ACOT12: variants seen among roughly 807,000 people sequenced by gnomAD.
The protein encoded by ACOT12 is acyl-CoA thioesterase 12, also known as acetyl-coenzyme A thioesterase.
In ACOT12, 51 loss-of-function variants were observed where a neutral mutation model predicts 67.7. The ratio of observed to expected loss-of-function variants is 0.75; its 90% CI spans 0.60 to 0.95. The LOEUF (loss-of-function observed/expected upper bound fraction) is 0.95. Ranked by LOEUF, ACOT12 falls within the 40% of genes least tolerant of loss-of-function variation. The pLI is 0.00. For missense variants in ACOT12, 734 were observed against 708.1 expected (o/e 1.04, Z -0.41); for synonymous variants, 251 against 244.6 (o/e 1.03, Z -0.24).
intron 5 of ACOT12, among the ~76,000 whole-genome samples, chr5:81,353,009 A>C (rs1759600854): frequency 6.6e-6 from 1 of 152,178 alleles, no homozygotes; most frequent in Admixed American, 6.5e-5. Flanking sequence ...CTCTTTAAAA[A>C]TAGTTTTTAG....
chr5:81,328,222 C>T (rs962553188), downstream of ACOT12, among the ~76,000 whole-genome samples: 2 of 152,108 alleles, frequency 1.3e-5, no homozygotes, highest in Non-Finnish European at 2.9e-5. Context: ...CTACACTGAC[C>T]ACCCTACTTA....
chr5:81,344,053 C>T (rs1759292023), intron 9 of ACOT12, 107 bp downstream of exon 9: 14 of 1,336,264 alleles, frequency 1.0e-5, no homozygotes, highest in Admixed American at 2.1e-5. Flanking sequence ...AAACATCAGA[C>T]CTTCTCTTTT....
intron 6 of ACOT12, among the ~76,000 whole-genome samples, chr5:81,347,457 TGC>T (rs1336842049): frequency 6.6e-6 from 1 of 152,230 alleles, no homozygotes; most frequent in Non-Finnish European, 1.5e-5. Context: ...ATTTCTGTTC[TGC>T]ATTTACTTTG....
chr5:81,376,257 T>C (rs1449044411), intron 2 of ACOT12, among the ~76,000 whole-genome samples: 31 of 151,816 alleles, frequency 2.0e-4, no homozygotes, highest in Admixed American at 2.0e-3. Flanking sequence ...AATAATGAAA[T>C]GAAGGCAGAA....
chr5:81,343,316 TCAGA>T (rs766404672), intron 10 of ACOT12, among the ~76,000 whole-genome samples: 1 of 152,180 alleles, frequency 6.6e-6, no homozygotes, highest in Non-Finnish European at 1.5e-5. Context: ...AATTCAGAAT[TCAGA>T]CAAAGTAACT....
At chr5:81,350,985 G>A (rs1324414796) in intron 5 of ACOT12, among the ~76,000 whole-genome samples, 1 of 152,160 alleles carries the variant, frequency 6.6e-6, no homozygotes, top group Non-Finnish European at 1.5e-5. Flanking sequence ...ATGCTTCCTT[G>A]CACTGCGGCA....
chr5:81,312,953 A>G, the ACOT12 span: 5 of 177,508 alleles, frequency 2.8e-5, no homozygotes, highest in South Asian at 5.6e-4. Flanking sequence ...GATTGTAACA[A>G]TCATCTTTTA....
At chr5:81,387,979 G>T (rs893124150) in intron 1 of ACOT12, among the ~76,000 whole-genome samples, 1 of 152,172 alleles carries the variant, frequency 6.6e-6, no homozygotes, top group African/African-American at 2.4e-5. Context: ...GGATCAAAAA[G>T]TAATAAAATC....
intron 14 of ACOT12, 52 bp downstream of exon 14, chr5:81,330,762 T>C: frequency 6.3e-7 from 1 of 1,592,294 alleles, no homozygotes; most frequent in Non-Finnish European, 8.5e-7. Flanking sequence ...ATTAAGAGAT[T>C]TTTCGCTATC....
the ACOT12 span, chr5:81,308,691 C>T: frequency 6.2e-7 from 1 of 1,610,696 alleles, no homozygotes; most frequent in South Asian, 1.1e-5. Context: ...AAGTGTAAGG[C>T]TAAAGTAGAC....
downstream of ACOT12, among the ~76,000 whole-genome samples, chr5:81,327,498 T>A (rs1300076943): frequency 6.6e-6 from 1 of 152,228 alleles, no homozygotes; most frequent in Non-Finnish European, 1.5e-5. Context: ...TGGAGTGCAG[T>A]GGCACGATCT....
chr5:81,360,026 G>T lies in ACOT12; in HGVS notation c.373C>A (p.Pro125Thr), dbSNP rs1759855521. Reference sequence around the variant, plus strand: ...TCTTGTTCAGTTAGAAGTGTGACTGGTTTTAAATGAATCTAGAGAAAGAAA... The same window carrying T: ...TCTTGTTCAGTTAGAAGTGTGACTGTTTTTAAATGAATCTAGAGAAAGAAA... The part of the protein sequence containing the change: ...PVGKEKIHLK[P>T]VTLLTEQDHV... Residue 125 changes from proline (P) to threonine (T), a missense_variant, in exon 5 of 15, where the codon CCA (proline) becomes ACA (threonine). Pro to Thr is a conservative substitution (Grantham distance 38, BLOSUM62 -1). Coordinates refer to ENST00000307624, the MANE Select transcript of ACOT12 (RefSeq NM_130767.3). The T allele has an allele frequency of 6.2e-7, 1 of 1,601,338 alleles. No homozygotes were observed. Among genetic ancestry groups the T allele is most frequent in the South Asian group, 1.1e-5 (1 of 87,308 alleles).
At chr5:81,354,079 G>A (rs1215703176) in intron 5 of ACOT12, among the ~76,000 whole-genome samples, 5 of 152,194 alleles carry the variant, frequency 3.3e-5, no homozygotes, top group Non-Finnish European at 5.9e-5. Flanking sequence ...TGGCATGGAA[G>A]TTAGTAAAAT....
chr5:81,374,392 G>T (rs12520468), intron 2 of ACOT12, among the ~76,000 whole-genome samples: 1 of 151,934 alleles, frequency 6.6e-6, no homozygotes, highest in Non-Finnish European at 1.5e-5. Context: ...AGAAAACAGC[G>T]CAAAAAGGCT....
chr5:81,393,023 G>A (rs1327609326), intron 1 of ACOT12, among the ~76,000 whole-genome samples: 1 of 152,206 alleles, frequency 6.6e-6, no homozygotes, highest in East Asian at 1.9e-4. Context: ...CAGGGGTTAG[G>A]ACTTCAGTGT....
chr5:81,325,495 G>A (rs1374839446), downstream of ACOT12, among the ~76,000 whole-genome samples: 1 of 152,192 alleles, frequency 6.6e-6, no homozygotes, highest in African/African-American at 2.4e-5. Context: ...AAGGACAGAG[G>A]TGCAGTGTTT....
At chr5:81,325,097 G>A (rs1758643252), downstream of ACOT12, among the ~76,000 whole-genome samples, 1 of 152,206 alleles carries the variant, frequency 6.6e-6, no homozygotes, top group Non-Finnish European at 1.5e-5. Flanking sequence ...CCTGGAGAAG[G>A]TGAGAGAAAG....
chr5:81,322,903 A>G, the ACOT12 span, among the ~76,000 whole-genome samples: 1 of 152,064 alleles, frequency 6.6e-6, no homozygotes, highest in Admixed American at 6.5e-5. Context: ...AATTCGCCTC[A>G]TGATTCAATT....
chr5:81,379,815 G>A (rs1245390094), intron 2 of ACOT12, among the ~76,000 whole-genome samples: 1 of 152,150 alleles, frequency 6.6e-6, no homozygotes, highest in Non-Finnish European at 1.5e-5. Context: ...GCTCACTGGA[G>A]CCTTAAATTC....
Sources: gnomAD v4.1 joint callset for allele counts (sites outside exome capture counted in the v4.1 genomes callset) on GRCh38, gnomAD v4.1.1 for gene constraint, MANE v1.5 for transcripts, NCBI Gene and HGNC (gene_info 2026-07-23, HGNC 2026-07-21) for gene names.